Variants in MAML3 observed in about 807,000 individuals in gnomAD.
The protein encoded by MAML3 is mastermind like transcriptional coactivator 3.
In MAML3, 27 loss-of-function variants were observed where a neutral mutation model predicts 101.9. That is an observed-to-expected ratio of 0.27 (90% CI 0.20 to 0.37). The LOEUF is 0.37. MAML3 is among the 10% of genes least tolerant of loss of function. The pLI, the probability that MAML3 is intolerant of heterozygous loss-of-function variation, is 1.00. For missense variants in MAML3, 1,316 were observed against 1,444.9 expected (o/e 0.91, Z 1.45); for synonymous variants, 501 against 555.9 (o/e 0.90, Z 1.39).
chr4:139,804,187 A>C (rs1037923427), intron 2 of MAML3, among the ~76,000 whole-genome samples: 2 of 152,102 alleles, frequency 1.3e-5, no homozygotes, highest in Non-Finnish European at 2.9e-5. Flanking sequence ...AATAGTTGGC[A>C]ACCACTTGAA....
chr4:140,071,451 C>T (rs757226258), intron 1 of MAML3, among the ~76,000 whole-genome samples: 2 of 152,294 alleles, frequency 1.3e-5, no homozygotes, highest in Non-Finnish European at 2.9e-5. Flanking sequence ...ACCCCTGTCC[C>T]CAGCCCTGCT....
At chr4:139,818,690 GC>G in intron 2 of MAML3, among the ~76,000 whole-genome samples, 1 of 152,312 alleles carries the variant, frequency 6.6e-6, no homozygotes, top group African/African-American at 2.4e-5. Flanking sequence ...CTGCTATGAG[GC>G]CCACTTCCTT....
chr4:139,776,243 T>C (rs1277792471), intron 2 of MAML3, among the ~76,000 whole-genome samples: 1 of 152,234 alleles, frequency 6.6e-6, no homozygotes, highest in African/African-American at 2.4e-5. Context: ...TGTTGTATTT[T>C]GTTGCAGAGG....
At chr4:139,827,693 A>G (rs1731086474) in intron 2 of MAML3, among the ~76,000 whole-genome samples, 1 of 152,234 alleles carries the variant, frequency 6.6e-6, no homozygotes, top group African/African-American at 2.4e-5. Flanking sequence ...AAACATATTT[A>G]TGAAGTGGAA....
chr4:140,127,075 G>T (rs1157814362), intron 1 of MAML3, among the ~76,000 whole-genome samples: 1 of 152,130 alleles, frequency 6.6e-6, no homozygotes, highest in Non-Finnish European at 1.5e-5. Context: ...ATAATCCTTT[G>T]ATAGTTTCTC....
At chr4:139,763,412 C>T (rs1360551583) in intron 2 of MAML3, among the ~76,000 whole-genome samples, 1 of 152,106 alleles carries the variant, frequency 6.6e-6, no homozygotes. Flanking sequence ...TCTGTTTAAG[C>T]AACGAGAAGT....
At chr4:139,745,094 A>T (rs1027746467) in intron 2 of MAML3, among the ~76,000 whole-genome samples, 1 of 152,214 alleles carries the variant, frequency 6.6e-6, no homozygotes, top group Non-Finnish European at 1.5e-5. Flanking sequence ...GACTTGACTG[A>T]GAGCCTTGAT....
intron 2 of MAML3, among the ~76,000 whole-genome samples, chr4:139,801,633 GGT>G (rs752176794): frequency 1.4e-5 from 2 of 146,394 alleles, no homozygotes; most frequent in African/African-American, 2.6e-5. Flanking sequence ...GCAGGAACAG[GGT>G]GTGTGTGGGT....
chr4:140,117,433 T>A (rs10018948), intron 1 of MAML3, among the ~76,000 whole-genome samples: 150,534 of 152,242 alleles, frequency 0.99, 74,450 homozygotes, highest in East Asian at 1. Context: ...TCTAACTATA[T>A]AACTTTAAAA....
In MAML3 at chr4:139,735,670, T is replaced by C. The variant is rs956429229; in HGVS notation, c.2080-5003A>G. Among the ~76,000 whole-genome samples the C allele has an allele frequency of 9.5e-4, 145 of 152,306 alleles. No individual in the cohort carries two copies. Among genetic ancestry groups the C allele is most frequent in the African/African-American group, 3.3e-3 (139 of 41,562 alleles). ...AACCTAAATGAAATTTAGGGTTTTATTGAAAAAGTCCCCTGGGGCCTAATT... is the reference window on the plus strand; with the variant it reads ...AACCTAAATGAAATTTAGGGTTTTACTGAAAAAGTCCCCTGGGGCCTAATT... On this transcript the variant is annotated intron_variant, in intron 2 of 4. Coordinates refer to ENST00000509479, the MANE Select transcript of MAML3 (RefSeq NM_018717.5). This position sits in a 1 kb window ranked among gnomAD's most constrained non-coding sequence, Gnocchi z 5.8.
At chr4:139,777,384 C>T (rs1053945510) in intron 2 of MAML3, among the ~76,000 whole-genome samples, 14 of 152,186 alleles carry the variant, frequency 9.2e-5, no homozygotes, top group African/African-American at 2.4e-5. Context: ...GCAGACCTTG[C>T]CACAAGAAGA....
intron 1 of MAML3, among the ~76,000 whole-genome samples, chr4:139,958,716 G>GT (rs1384647220): frequency 3.9e-5 from 6 of 152,132 alleles, no homozygotes; most frequent in African/African-American, 1.4e-4. Flanking sequence ...TTTGTGCTAC[G>GT]TCTGTGGTCC....
chr4:140,080,491 G>A (rs1260449670), intron 1 of MAML3, among the ~76,000 whole-genome samples: 4 of 152,212 alleles, frequency 2.6e-5, no homozygotes, highest in Non-Finnish European at 5.9e-5. Context: ...TCGAGCACAT[G>A]ATCACTTTTC....
chr4:140,135,979 A>G (rs952288396), intron 1 of MAML3, among the ~76,000 whole-genome samples: 1 of 152,156 alleles, frequency 6.6e-6, no homozygotes, highest in Non-Finnish European at 1.5e-5. Context: ...AAACCACATA[A>G]TATTTATTCA....
chr4:139,730,741 G>A (rs1728673115), intron 2 of MAML3, 74 bp from the exon 3 acceptor site: 3 of 1,385,602 alleles, frequency 2.2e-6, no homozygotes, highest in South Asian at 1.3e-5. Context: ...GAAGCCCCTG[G>A]AAAAAGGGAA....
intron 2 of MAML3, among the ~76,000 whole-genome samples, chr4:139,850,150 T>C (rs1484862471): frequency 6.6e-6 from 1 of 151,880 alleles, no homozygotes; most frequent in African/African-American, 2.4e-5. Flanking sequence ...GTACCTGATA[T>C]CACAATTAAA....
chr4:140,072,983 T>C (rs1727690247), intron 1 of MAML3, among the ~76,000 whole-genome samples: 1 of 152,164 alleles, frequency 6.6e-6, no homozygotes, highest in Admixed American at 6.5e-5. Flanking sequence ...GAAATTTCTC[T>C]AAATTTAAGT....
intron 2 of MAML3, among the ~76,000 whole-genome samples, chr4:139,819,077 G>A (rs1209851641): frequency 6.6e-6 from 1 of 152,120 alleles, no homozygotes; most frequent in East Asian, 1.9e-4. Context: ...AAAATGTAAG[G>A]CCGAATAAAA....
chr4:140,146,589 C>T (rs759516251), intron 1 of MAML3, among the ~76,000 whole-genome samples: 31 of 152,076 alleles, frequency 2.0e-4, no homozygotes, highest in Non-Finnish European at 2.9e-4. Context: ...AGTCACAAAA[C>T]TAAATAGTGA....
Sources: allele counts gnomAD v4.1 joint callset (sites outside exome capture counted in the v4.1 genomes callset), GRCh38; gene constraint gnomAD v4.1.1; non-coding constraint Gnocchi (gnomAD v3.1); transcripts MANE v1.5; gene names NCBI Gene and HGNC (gene_info 2026-07-23, HGNC 2026-07-21).